The following ATP13A4 variants were observed in gnomAD, a reference collection of about 807,000 sequenced individuals.
The protein encoded by ATP13A4 is ATPase 13A4, also known as probable cation-transporting ATPase 13A4.
A neutral mutation model predicts 142.5 loss-of-function variants in ATP13A4; 114 were observed. The observed-to-expected ratio is 0.80, with a 90% CI of 0.69 to 0.93. The LOEUF is 0.93. Ranked by LOEUF, ATP13A4 falls within the 40% of genes least tolerant of loss-of-function variation. The pLI, the probability that ATP13A4 is intolerant of heterozygous loss-of-function variation, is 0.00. For missense variants in ATP13A4, 1,392 were observed against 1,454.0 expected, an observed-to-expected ratio of 0.96 and a Z score of 0.69; for synonymous variants, 488 against 514.8, an observed-to-expected ratio of 0.95 and a Z score of 0.70.
In ATP13A4 at chr3:193,438,471, T is replaced by C; in HGVS notation, c.2672+4A>G. Reference sequence around the variant, plus strand: ...AAACAATGTTTGAGGAAGTGCCTACTTACTTGATAAGGTGAGGTACGCACT... The same window carrying C: ...AAACAATGTTTGAGGAAGTGCCTACCTACTTGATAAGGTGAGGTACGCACT... On this transcript the variant is annotated splice_donor_region_variant and intron_variant, in intron 23 of 29. Coordinates refer to ENST00000342695, the MANE Select transcript of ATP13A4 (RefSeq NM_032279.4). 3 of 1,599,412 alleles carry C rather than the reference T, an allele frequency of 1.9e-6. No homozygotes were observed. Among genetic ancestry groups the C allele is most frequent in the Non-Finnish European group, 2.6e-6 (3 of 1,166,580 alleles).
At chr3:193,403,192 ACT>A (rs1253795052) in intron 29 of ATP13A4, among the ~76,000 whole-genome samples, 2 of 152,200 alleles carry the variant, frequency 1.3e-5, no homozygotes, top group African/African-American at 4.8e-5. Context: ...TCTATGTTTC[ACT>A]CTATAGCACA....
rs1389124926 is a variant in ATP13A4, at chr3:193,497,676, C to CA, written c.382-4517dup. ...ATATGGAATTAACCTAAGGGTCTAT[C>CA]AATGGATGAATGGATAAAGAAAATG... On this transcript the variant is annotated intron_variant, in intron 3 of 29. Coordinates refer to ENST00000342695, the MANE Select transcript of ATP13A4 (RefSeq NM_032279.4). 3.3e-5 allele frequency among the ~76,000 whole-genome samples: 5 copies of CA among 152,090 alleles called. No individual in the cohort carries two copies. In the East Asian group the frequency reaches 9.7e-4, roughly 29 times the overall value.
intron 8 of ATP13A4, among the ~76,000 whole-genome samples, chr3:193,477,303 G>T (rs1719022521): frequency 6.6e-6 from 1 of 152,048 alleles, no homozygotes; most frequent in Admixed American, 6.5e-5. Flanking sequence ...ATCTGGGATA[G>T]TTCTAAAATA....
intron 2 of ATP13A4, among the ~76,000 whole-genome samples, chr3:193,577,834 C>G (rs771729872): frequency 2.0e-5 from 3 of 152,160 alleles, no homozygotes; most frequent in Admixed American, 6.6e-5. Flanking sequence ...CTCATGATAA[C>G]CTTTTCTTCC....
At chr3:193,483,038 T>C (rs1341296501) in intron 8 of ATP13A4, among the ~76,000 whole-genome samples, 2 of 152,154 alleles carry the variant, frequency 1.3e-5, no homozygotes, top group African/African-American at 2.4e-5. Context: ...GTCTATACAC[T>C]GAGATAGCCT....
Position 193,507,509 on chromosome 3 carries a change from C to T in ATP13A4, c.235-4870G>A, listed in dbSNP as rs1262543960. Reference sequence around the variant, plus strand: ...GAGAAATTCTCACAATAATTATTATCTCAGTATATGTTGTCCAAAAAAAAA... The same window carrying T: ...GAGAAATTCTCACAATAATTATTATTTCAGTATATGTTGTCCAAAAAAAAA... On this transcript the variant is annotated intron_variant, in intron 2 of 29. Transcript: ENST00000342695. Among the ~76,000 whole-genome samples, 3 of 151,824 alleles carry T rather than the reference C, an allele frequency of 2.0e-5. 1 individual carries two copies. The highest frequency in any genetic ancestry group is 7.3e-5 in the African/African-American group (3 of 41,308).
chr3:193,523,397 A>G (rs772866118), intron 1 of ATP13A4, among the ~76,000 whole-genome samples: 2 of 152,200 alleles, frequency 1.3e-5, no homozygotes, highest in Non-Finnish European at 2.9e-5. Context: ...GGTCAGAGGA[A>G]TCAGCCATAT....
At chr3:193,467,284 A>G (rs1718350755) in intron 10 of ATP13A4, 32 bp downstream of exon 10, 1 of 1,613,000 alleles carries the variant, frequency 6.2e-7, no homozygotes, top group African/African-American at 1.3e-5. Flanking sequence ...AAAGTATACC[A>G]TTAAAAATAA....
At chr3:193,461,656 T>A (rs1329595798) in intron 13 of ATP13A4, among the ~76,000 whole-genome samples, 2 of 152,240 alleles carry the variant, frequency 1.3e-5, no homozygotes, top group Non-Finnish European at 2.9e-5. Flanking sequence ...CATGTCATAA[T>A]GCAAAAGAAC....
chr3:193,454,117 C>T lies in ATP13A4; in HGVS notation c.2011G>A (p.Ala671Thr), dbSNP rs372189734. Reference sequence around the variant, plus strand: ...CCCATTTACCTCGTCAAGGTAGTAGCGTGATGGTCATTTTCCAGCTTCTTG... The same window carrying T: ...CCCATTTACCTCGTCAAGGTAGTAGTGTGATGGTCATTTTCCAGCTTCTTG... ...AYKKLENDHH[A>T]TTLTRETVES... Residue 671 changes from alanine to threonine, a missense_variant, in exon 17 of 30, where the codon GCT (alanine) becomes ACT (threonine). Ala to Thr is a moderately conservative substitution (Grantham distance 58). Coordinates refer to ENST00000342695, the MANE Select transcript of ATP13A4 (RefSeq NM_032279.4). The T allele has an allele frequency of 1.5e-5, 24 of 1,612,224 alleles. No individual in the cohort carries two copies. Among genetic ancestry groups the T allele is most frequent in the African/African-American group, 1.5e-4 (11 of 74,900 alleles).
intron 8 of ATP13A4, among the ~76,000 whole-genome samples, chr3:193,475,209 T>G (rs984676398): frequency 6.6e-6 from 1 of 152,092 alleles, no homozygotes; most frequent in Non-Finnish European, 1.5e-5. Flanking sequence ...AAGCTTTTTA[T>G]TACAGCACTA....
chr3:193,541,002 C>A (rs1382618037), intron 1 of ATP13A4, among the ~76,000 whole-genome samples: 1 of 152,158 alleles, frequency 6.6e-6, no homozygotes, highest in Non-Finnish European at 1.5e-5. Context: ...GTAATCCCAG[C>A]ACTTTGGGAG....
At chr3:193,542,817 C>A (rs1409497137) in intron 1 of ATP13A4, among the ~76,000 whole-genome samples, 1 of 152,112 alleles carries the variant, frequency 6.6e-6, no homozygotes, top group Non-Finnish European at 1.5e-5. Context: ...ACACCTTATA[C>A]AAAAATTAAC....
At chr3:193,495,068 T>C (rs1457187524) in intron 3 of ATP13A4, among the ~76,000 whole-genome samples, 2 of 151,972 alleles carry the variant, frequency 1.3e-5, no homozygotes, top group African/African-American at 4.8e-5. Flanking sequence ...ATACAAAATG[T>C]GAACAGATGA....
intron 23 of ATP13A4, 96 bp downstream of exon 23, chr3:193,438,379 G>A (rs1299436069): frequency 3.9e-6 from 4 of 1,022,574 alleles, no homozygotes; most frequent in Middle Eastern, 4.0e-4. Flanking sequence ...CGCACCCAGG[G>A]ACAGAAAGTT....
chr3:193,482,550 A>G (rs1300147563), intron 8 of ATP13A4, among the ~76,000 whole-genome samples: 1 of 152,260 alleles, frequency 6.6e-6, no homozygotes, highest in Non-Finnish European at 1.5e-5. Flanking sequence ...AATGTAGAAT[A>G]AACTCTCAAT....
chr3:193,477,904 G>C (rs1436178181), intron 8 of ATP13A4, among the ~76,000 whole-genome samples: 1 of 151,874 alleles, frequency 6.6e-6, no homozygotes, highest in Non-Finnish European at 1.5e-5. Context: ...ATGAACAACT[G>C]AACATTTACA....
At chr3:193,404,365 T>C (rs1157277269) in intron 29 of ATP13A4, among the ~76,000 whole-genome samples, 1 of 152,164 alleles carries the variant, frequency 6.6e-6, no homozygotes, top group Admixed American at 6.5e-5. Flanking sequence ...ACCTTGCTGC[T>C]CTGGAAGAGG....
intron 1 of ATP13A4, among the ~76,000 whole-genome samples, chr3:193,544,616 T>G (rs1021340122): frequency 4.6e-5 from 7 of 152,190 alleles, no homozygotes; most frequent in Admixed American, 3.9e-4. Context: ...TGAAGGAGTA[T>G]CCAGATGATT....
Sources: gnomAD v4.1 joint callset for allele counts (sites outside exome capture counted in the v4.1 genomes callset) on GRCh38, gnomAD v4.1.1 for gene constraint, MANE v1.5 for transcripts, NCBI Gene and HGNC (gene_info 2026-07-23, HGNC 2026-07-21) for gene names.